The following ATRN variants were observed in gnomAD, a reference collection of about 807,000 sequenced individuals.
ATRN encodes attractin-2.
Under a neutral mutation model 178.7 loss-of-function variants are expected in ATRN, and 54 were observed. That is an observed-to-expected ratio of 0.30 (90% CI 0.24 to 0.38). The LOEUF is 0.38. Among genes scored for constraint, ATRN ranks in the 10% least tolerant of loss-of-function variants. The pLI is 1.00. For missense variants in ATRN, 1,443 were observed against 1,815.1 expected, an observed-to-expected ratio of 0.79 and a Z score of 3.73; for synonymous variants, 636 against 663.0, an observed-to-expected ratio of 0.96 and a Z score of 0.63.
At chr20:3,624,101 T>C (rs1390352595) in intron 24 of ATRN, among the ~76,000 whole-genome samples, 1 of 152,216 alleles carries the variant, frequency 6.6e-6, no homozygotes, top group Non-Finnish European at 1.5e-5. Flanking sequence ...TACATAAATG[T>C]TGACCAAATG....
chr20:3,535,931 C>T (rs960775879), intron 2 of ATRN, among the ~76,000 whole-genome samples: 2 of 151,990 alleles, frequency 1.3e-5, no homozygotes, highest in Non-Finnish European at 1.5e-5. Flanking sequence ...CGCCCAGCCA[C>T]GGTTCCATAT....
At chr20:3,533,634 T>C (rs754598179) in intron 1 of ATRN, among the ~76,000 whole-genome samples, 3 of 152,114 alleles carry the variant, frequency 2.0e-5, no homozygotes, top group Non-Finnish European at 2.9e-5. Context: ...AGCAATAGTA[T>C]AGAACAGCAT....
intron 6 of ATRN, among the ~76,000 whole-genome samples, chr20:3,558,506 A>G (rs1418956343): frequency 6.6e-6 from 1 of 151,188 alleles, no homozygotes; most frequent in African/African-American, 2.4e-5. Flanking sequence ...GAAAAGAAAC[A>G]TTTACTTAAG....
chr20:3,644,820 C>T lies in ATRN; in HGVS notation c.4165+552C>T, dbSNP rs1307169496. 2.6e-5 allele frequency among the ~76,000 whole-genome samples: 4 copies of T among 152,360 alleles called. No individual in the cohort carries two copies. In the South Asian group the frequency reaches 8.3e-4, roughly 32 times the overall value. On this transcript the variant is annotated intron_variant, in intron 28 of 28. Coordinates refer to ENST00000262919, the MANE Select transcript of ATRN (RefSeq NM_139321.3). ...CATAAAGGAAACGTCTGAAAATCCA[C>T]GCACAGTTCTGCTATCCCACAACCC...
chr20:3,577,500 G>A (rs1568741243), intron 14 of ATRN, among the ~76,000 whole-genome samples: 1 of 152,128 alleles, frequency 6.6e-6, no homozygotes, highest in South Asian at 2.1e-4. Context: ...TGAGGTTCAG[G>A]ATGATGAACT....
intron 11 of ATRN, among the ~76,000 whole-genome samples, 158 bp downstream of exon 11, chr20:3,565,590 G>A (rs1440746428): frequency 1.3e-5 from 2 of 151,992 alleles, no homozygotes; most frequent in Non-Finnish European, 2.9e-5. Context: ...ACATGGTAAA[G>A]ACCCATCTCT....
chr20:3,639,355 C>T (rs1319908469), intron 27 of ATRN, among the ~76,000 whole-genome samples: 2 of 152,056 alleles, frequency 1.3e-5, no homozygotes, highest in Non-Finnish European at 2.9e-5. Context: ...CGGGTTCAAG[C>T]GATTCTCTTG....
intron 6 of ATRN, among the ~76,000 whole-genome samples, chr20:3,558,200 A>G (rs1242390220): frequency 1.3e-5 from 2 of 151,960 alleles, no homozygotes; most frequent in Admixed American, 6.6e-5. Flanking sequence ...GAATTAATAA[A>G]TTTTCTGTTT....
chr20:3,560,220 T>C (rs1267906549), intron 7 of ATRN, among the ~76,000 whole-genome samples: 2 of 152,128 alleles, frequency 1.3e-5, no homozygotes, highest in East Asian at 3.8e-4. Context: ...CTTTTTTAGT[T>C]CCCACATATG....
chr20:3,604,981 T>G (rs2086659136), intron 24 of ATRN, among the ~76,000 whole-genome samples: 1 of 152,200 alleles, frequency 6.6e-6, no homozygotes, highest in Admixed American at 6.5e-5. Flanking sequence ...CAATACCTTC[T>G]GCTTCTTACC....
intron 9 of ATRN, among the ~76,000 whole-genome samples, chr20:3,562,926 G>A (rs1037790950): frequency 1.3e-5 from 2 of 152,090 alleles, no homozygotes; most frequent in East Asian, 3.9e-4. Context: ...TATGCATTAA[G>A]CTTCTGTCAA....
intron 24 of ATRN, among the ~76,000 whole-genome samples, chr20:3,611,546 A>C (rs2086766299): frequency 6.6e-6 from 1 of 152,218 alleles, no homozygotes; most frequent in Non-Finnish European, 1.5e-5. Context: ...GTTCAAGACC[A>C]GCCTAGCCAA....
chr20:3,549,805 G>A (rs1446802605), intron 6 of ATRN, among the ~76,000 whole-genome samples: 1 of 152,094 alleles, frequency 6.6e-6, no homozygotes, highest in East Asian at 1.9e-4. Flanking sequence ...AGGTGGACTT[G>A]TAGAAAAAAA....
intron 26 of ATRN, among the ~76,000 whole-genome samples, chr20:3,637,110 G>T (rs1278846214): frequency 1.3e-5 from 2 of 152,214 alleles, no homozygotes; most frequent in Non-Finnish European, 2.9e-5. Context: ...TATGTGTTTA[G>T]TATGGAGTTG....
At chr20:3,528,380 G>T (rs908373833) in intron 1 of ATRN, among the ~76,000 whole-genome samples, 5 of 148,728 alleles carry the variant, frequency 3.4e-5, no homozygotes, top group South Asian at 2.1e-4. Context: ...AAAAAAAAAT[G>T]TGGTACATAT....
chr20:3,634,485 T>C, intron 26 of ATRN, 96 bp downstream of exon 26: 2 of 1,079,120 alleles, frequency 1.9e-6, no homozygotes, highest in African/African-American at 1.6e-5. Flanking sequence ...TTAGTGATAA[T>C]GGACAGACAG....
intron 24 of ATRN, among the ~76,000 whole-genome samples, chr20:3,616,924 C>T (rs1043475950): frequency 1.2e-4 from 16 of 137,966 alleles, no homozygotes; most frequent in Admixed American, 1.0e-3. Flanking sequence ...TTCCACTATA[C>T]GAAGATTTCT....
intron 24 of ATRN, among the ~76,000 whole-genome samples, chr20:3,623,411 A>G (rs1196432066): frequency 6.6e-6 from 1 of 152,202 alleles, no homozygotes; most frequent in Non-Finnish European, 1.5e-5. Flanking sequence ...TGGCCTGAAT[A>G]GTGTTGGAAT....
rs1238437543 is a variant in ATRN at position 3,512,173 on chromosome 20, C to T, written c.411-23080C>T. ...GCACAACATGCAGGTTTGTTACATA[C>T]GTATACATGTGCCATGTTGGTGTGC... On this transcript the variant is annotated intron_variant, in intron 1 of 28. Transcript: ENST00000262919. 1.1e-3 allele frequency among the ~76,000 whole-genome samples: 161 copies of T among 145,194 alleles called. 2 individuals carry two copies. In the East Asian group the frequency reaches 0.023, roughly 21 times the overall value.
Sources: allele counts gnomAD v4.1 joint callset (sites outside exome capture counted in the v4.1 genomes callset), GRCh38; gene constraint gnomAD v4.1.1; transcripts MANE v1.5; gene names NCBI Gene and HGNC (gene_info 2026-07-23, HGNC 2026-07-21).